Variants in DNAJB13 observed in about 807,000 individuals in gnomAD.
The protein encoded by DNAJB13 is DnaJ heat shock protein family (Hsp40) member B13.
In DNAJB13, 22 loss-of-function variants were observed where a neutral mutation model predicts 35.6. That is an observed-to-expected ratio of 0.62 (90% CI 0.44 to 0.88). The LOEUF (loss-of-function observed/expected upper bound fraction) is 0.88, where lower values mean the gene tolerates loss of function less well. Among genes scored for constraint, DNAJB13 ranks in the 40% least tolerant of loss-of-function variants. DNAJB13 has a pLI of 0.00. For missense variants in DNAJB13, 370 were observed against 384.3 expected (o/e 0.96, Z 0.31); for synonymous variants, 136 against 144.2 (o/e 0.94, Z 0.41).
intron 7 of DNAJB13, among the ~76,000 whole-genome samples, chr11:73,969,664 G>A (rs112348704): frequency 2.6e-5 from 4 of 152,212 alleles, no homozygotes; most frequent in Admixed American, 6.5e-5. Flanking sequence ...CCCTCTGCCC[G>A]TGAGGAGGTT....
At chr11:73,957,316 GT>G (rs757135948) in intron 1 of DNAJB13, among the ~76,000 whole-genome samples, 2 of 152,186 alleles carry the variant, frequency 1.3e-5, no homozygotes, top group African/African-American at 2.4e-5. Flanking sequence ...TGAGGGCCCT[GT>G]CCACACACTC....
At chr11:73,951,310 G>T (rs111807289) in intron 1 of DNAJB13, among the ~76,000 whole-genome samples, 173 bp downstream of exon 1, 57 of 152,302 alleles carry the variant, frequency 3.7e-4, no homozygotes, top group African/African-American at 1.3e-3. Context: ...GCCCAGGTTG[G>T]AAATTTGAAC....
At chr11:73,964,748 A>G (rs1157529529) in intron 3 of DNAJB13, 130 bp from the exon 4 acceptor site, 9 of 1,021,902 alleles carry the variant, frequency 8.8e-6, no homozygotes, top group Non-Finnish European at 1.2e-5. Context: ...GTTGGGGAGC[A>G]TATCTGGATA....
At position 73,964,800 on chromosome 11, in the gene DNAJB13, TGTGTGTGTGTGTGCGC is replaced by T. The variant is rs750533529; in HGVS notation, c.335-76_335-61del. The T allele has an allele frequency of 3.7e-5, 38 of 1,022,100 alleles. 3 individuals carry two copies. Among genetic ancestry groups the T allele is most frequent in the Middle Eastern group, 6.2e-4 (2 of 3,238 alleles). The allele number at this position is 1,022,100 out of a possible 1,614,324, so 63.3% of individuals were successfully genotyped here. On this transcript the variant is annotated intron_variant, in intron 3 of 7. Coordinates refer to ENST00000339764, the MANE Select transcript of DNAJB13 (RefSeq NM_153614.4). ...GTGTGTGTGTGTGTGTGTGTGTGTGTGTGTGTGTGTGTGCGCGCGCGCGCATGTCTGGGTCTCTGGA... is the reference window on the plus strand; with the variant it reads ...GTGTGTGTGTGTGTGTGTGTGTGTGTGCGCGCGCATGTCTGGGTCTCTGGA...
chr11:73,963,953 T>A (rs1183053877), intron 3 of DNAJB13: 1 of 152,184 alleles, frequency 6.6e-6, no homozygotes, highest in Non-Finnish European at 1.5e-5. Context: ...AGATCCCAAC[T>A]CTACTGCTTA....
chr11:73,962,426 C>T (rs1349984469), intron 3 of DNAJB13, among the ~76,000 whole-genome samples: 1 of 147,398 alleles, frequency 6.8e-6, no homozygotes, highest in Non-Finnish European at 1.5e-5. Context: ...GGTGGGTAGG[C>T]GGACGGATGG....
At position 73,965,315 on chromosome 11, in the gene DNAJB13, G is replaced by A. The variant is rs531257646; in HGVS notation, c.492+280G>A. On this transcript the variant is annotated intron_variant, in intron 4 of 7. Transcript: ENST00000339764. ...TTTCTTTCAGTTCAGCCCCATCCCC[G>A]TGGGAACTGGAAAGGCTCTGAATGG... 1.7e-3 allele frequency: 461 copies of A among 274,322 alleles called. 1 individual carries two copies. Among genetic ancestry groups the A allele is most frequent in the Non-Finnish European group, 2.4e-3 (355 of 145,824 alleles). 17.0% of individuals were successfully genotyped at this position (274,322 alleles called of 1,614,324 possible). A position where few individuals can be genotyped will look rare whatever the true frequency, so the allele number is the denominator to read the frequency against.
Position 73,964,948 on chromosome 11 carries a change from G to C in DNAJB13, c.405G>C (p.Lys135Asn). The change falls in exon 4 of 8, where the codon AAG (lysine) becomes AAC (asparagine). Residue 135 changes from lysine to asparagine, a missense_variant. Lys to Asn is a moderately conservative substitution (Grantham distance 94). Transcript: ENST00000339764. ...FGGLQGRGVKKQDPQVERDLY... is the reference protein window; with the variant it reads ...FGGLQGRGVKNQDPQVERDLY... ...GGCTCCAGGGCCGAGGGGTCAAGAA[G>C]CAGGACCCCCAAGTCGAACGGGATC... 4 of 1,613,378 alleles carry C rather than the reference G, an allele frequency of 2.5e-6. No homozygotes were observed. The highest frequency in any genetic ancestry group is 2.5e-6 in the Non-Finnish European group (3 of 1,179,872).
At chr11:73,962,252 T>G (rs1777491068) in intron 3 of DNAJB13, among the ~76,000 whole-genome samples, 1 of 152,210 alleles carries the variant, frequency 6.6e-6, no homozygotes, top group Admixed American at 6.5e-5. Flanking sequence ...CCTACCAGAC[T>G]GGGAGATCCT....
In DNAJB13 at chr11:73,964,810, T is replaced by TGCGCGCGCGCGC. The variant is rs763008519; in HGVS notation, c.335-67_335-66insCGCGCGCGCGCG. ...GTGTGTGTGTGTGTGTGTGTGTGTG[T>TGCGCGCGCGCGC]GTGCGCGCGCGCGCATGTCTGGGTC... On this transcript the variant is annotated intron_variant, in intron 3 of 7. Coordinates refer to ENST00000339764, the MANE Select transcript of DNAJB13 (RefSeq NM_153614.4). The TGCGCGCGCGCGC allele has an allele frequency of 7.4e-5, 52 of 705,636 alleles. 1 individual carries two copies. The African/African-American group carries it at 1.1e-3, about 15-fold the overall frequency. 43.7% of individuals were successfully genotyped at this position (705,636 alleles called of 1,614,324 possible).
At chr11:73,968,296 G>C (rs1270844532) in intron 5 of DNAJB13, 49 bp from the exon 6 acceptor site, 5 of 1,557,596 alleles carry the variant, frequency 3.2e-6, no homozygotes, top group Non-Finnish European at 2.7e-6. Flanking sequence ...ACTTGGCCAA[G>C]GTCACACGGC....
At chr11:73,965,217 AT>A in intron 4 of DNAJB13, 182 bp downstream of exon 4, 1 of 651,284 alleles carries the variant, frequency 1.5e-6, no homozygotes, top group Admixed American at 3.6e-5. Flanking sequence ...AGTTGAAGAC[AT>A]TAGCCCGGTT....
intron 4 of DNAJB13, chr11:73,965,736 G>T (rs138950866): frequency 0.012 from 2,153 of 177,358 alleles, 45 homozygotes; most frequent in African/African-American, 0.048. Flanking sequence ...AGACTTGCTG[G>T]AGGCTCAGGG....
chr11:73,956,803 CAA>C lies in DNAJB13; in HGVS notation c.69-1495_69-1494del, dbSNP rs1163341948. 7.0e-3 allele frequency among the ~76,000 whole-genome samples: 533 copies of C among 75,890 alleles called. 4 individuals are homozygous for C. Among genetic ancestry groups the C allele is most frequent in the African/African-American group, 0.023 (510 of 22,242 alleles). 49.8% of individuals were successfully genotyped at this position (75,890 alleles called of 152,430 possible). On this transcript the variant is annotated intron_variant, in intron 1 of 7. Coordinates refer to ENST00000339764, the MANE Select transcript of DNAJB13 (RefSeq NM_153614.4). Reference sequence around the variant, plus strand: ...GGGCAACAAGAGAGAAACTCCATCTCAAAAAAAAAAAAAAAAAAAAGTATATG... The same window carrying C: ...GGGCAACAAGAGAGAAACTCCATCTCAAAAAAAAAAAAAAAAAAGTATATG...
At chr11:73,965,282 T>A (rs1031669657) in intron 4 of DNAJB13, 2 of 368,388 alleles carry the variant, frequency 5.4e-6, no homozygotes, top group Non-Finnish European at 9.7e-6. Context: ...ACAGGCTCTT[T>A]CCCTTCCTTT....
chr11:73,957,366 A>C (rs1950779864), intron 1 of DNAJB13, among the ~76,000 whole-genome samples: 1 of 152,054 alleles, frequency 6.6e-6, no homozygotes. Context: ...GGAAAACTGC[A>C]CTCCGCTGTC....
chr11:73,965,469 A>G, intron 4 of DNAJB13: 1 of 162,930 alleles, frequency 6.1e-6, no homozygotes, highest in Non-Finnish European at 1.3e-5. Flanking sequence ...ATAGTCCCCA[A>G]GGTGACGGGT....
chr11:73,964,554 T>TTG (rs1951026024), intron 3 of DNAJB13: 1 of 285,440 alleles, frequency 3.5e-6, no homozygotes, highest in African/African-American at 2.4e-5. Context: ...GGTATCCGAG[T>TTG]TGTGAATAAG....
intron 3 of DNAJB13, among the ~76,000 whole-genome samples, chr11:73,961,611 C>T (rs971895204): frequency 3.3e-5 from 5 of 152,286 alleles, no homozygotes; most frequent in Middle Eastern, 3.4e-3. Flanking sequence ...AGATGCCTGC[C>T]GCCTTCTTCC....
Sources: gnomAD v4.1 joint callset for allele counts (sites outside exome capture counted in the v4.1 genomes callset) on GRCh38, gnomAD v4.1.1 for gene constraint, MANE v1.5 for transcripts, NCBI Gene and HGNC (gene_info 2026-07-23, HGNC 2026-07-21) for gene names.